NWD1: variants seen among roughly 807,000 people sequenced by gnomAD.
NWD1 encodes the protein NACHT and WD repeat domain containing 1.
Under a neutral mutation model 135.1 loss-of-function variants are expected in NWD1, and 129 were observed. That is an observed-to-expected ratio of 0.96 (90% CI 0.83 to 1.11). The LOEUF is 1.11. NWD1 is among the 50% of genes least tolerant of loss of function. The probability of loss-of-function intolerance (pLI) is 0.00; values close to 1 mark genes in which losing one functional copy is unlikely to be tolerated. For synonymous variants in NWD1, 773 were observed against 786.0 expected (o/e 0.98, Z 0.28); for missense variants, 1,740 against 1,851.3 (o/e 0.94, Z 1.10).
At position 16,815,044 on chromosome 19, in the gene NWD1, C is replaced by G. The variant is rs113513619; in HGVS notation, c.*5C>G. ...CCCTTACAGGCACCCTGCTGACAGT[C>G]CAGTTTGTCCATGCTGTGGTAAACA... On this transcript the variant is annotated 3_prime_UTR_variant, in exon 19 of 19. Transcript: ENST00000524140. 73 of 1,613,772 alleles carry G rather than the reference C, an allele frequency of 4.5e-5. 1 individual carries two copies. The highest frequency in any genetic ancestry group is 2.0e-4 in the East Asian group (9 of 44,890).
chr19:16,799,453 C>G (rs1970526936), intron 16 of NWD1, among the ~76,000 whole-genome samples: 1 of 152,102 alleles, frequency 6.6e-6, no homozygotes, highest in Non-Finnish European at 1.5e-5. Context: ...CTCAGCCTTC[C>G]AAAGTGCTGG....
chr19:16,729,150 T>C (rs896069369), intron 2 of NWD1, among the ~76,000 whole-genome samples: 5 of 151,892 alleles, frequency 3.3e-5, no homozygotes, highest in African/African-American at 4.8e-5. Context: ...CCCAACTTGA[T>C]AGAGTTGCTG....
chr19:16,789,879 A>G (rs1200178358), intron 13 of NWD1, among the ~76,000 whole-genome samples: 1 of 151,932 alleles, frequency 6.6e-6, no homozygotes, highest in Non-Finnish European at 1.5e-5. Flanking sequence ...CACCACGCCC[A>G]GCTAATTTTT....
At chr19:16,807,215 C>T (rs577469767) in intron 17 of NWD1, among the ~76,000 whole-genome samples, 5 of 150,388 alleles carry the variant, frequency 3.3e-5, no homozygotes, top group South Asian at 2.1e-4. Flanking sequence ...AACACCAGGC[C>T]GGGTGTGGTG....
chr19:16,810,437 CAAAAA>C (rs529841524), intron 18 of NWD1, among the ~76,000 whole-genome samples: 4 of 66,294 alleles, frequency 6.0e-5, no homozygotes, highest in Admixed American at 1.7e-4. Flanking sequence ...GACTCCATCT[CAAAAA>C]AAAAAAAAAA....
chr19:16,803,229 A>G (rs1263082414), intron 17 of NWD1, among the ~76,000 whole-genome samples: 1 of 152,056 alleles, frequency 6.6e-6, no homozygotes, highest in Non-Finnish European at 1.5e-5. Context: ...CTCGGCCTTG[A>G]CCTGTGGGAA....
At chr19:16,796,410 CA>C (rs1970418689) in intron 15 of NWD1, among the ~76,000 whole-genome samples, 1 of 152,010 alleles carries the variant, frequency 6.6e-6, no homozygotes, top group African/African-American at 2.4e-5. Flanking sequence ...TGCAGTGAGC[CA>C]AGATCATGCC....
At chr19:16,779,522 A>G in intron 12 of NWD1, 57 bp downstream of exon 12, 3 of 1,552,692 alleles carry the variant, frequency 1.9e-6, no homozygotes, top group Non-Finnish European at 2.6e-6. Context: ...GTTGGTTCTC[A>G]GAGCCCCTTC....
At chr19:16,766,016 CAAA>C (rs35265751) in intron 10 of NWD1, among the ~76,000 whole-genome samples, 4 of 91,762 alleles carry the variant, frequency 4.4e-5, no homozygotes, top group Admixed American at 1.4e-4. Context: ...GACTCCGTCT[CAAA>C]AAAAAAAAAA....
rs1431500095 is a variant in NWD1 at position 16,763,957 on chromosome 19, C to A, written c.2251+12C>A. 1 of 1,538,122 alleles carries A rather than the reference C, an allele frequency of 6.5e-7. No homozygotes were observed. The highest frequency in any genetic ancestry group is 9.0e-7 in the Non-Finnish European group (1 of 1,110,854). On this transcript the variant is annotated intron_variant, in intron 9 of 18. Coordinates refer to ENST00000524140, the MANE Select transcript of NWD1 (RefSeq NM_001007525.5). ...ACAGGAGGTTCTGGGTAAGGGCTGC[C>A]CCCCATCTCAGAGGACCGAGCCTGG...
intron 10 of NWD1, among the ~76,000 whole-genome samples, chr19:16,772,899 G>A (rs1389125460): frequency 6.6e-6 from 1 of 152,062 alleles, no homozygotes; most frequent in Non-Finnish European, 1.5e-5. Flanking sequence ...AAGCATTCTA[G>A]GCAACCTGGG....
At chr19:16,758,779 G>A (rs1719350071) in intron 6 of NWD1, among the ~76,000 whole-genome samples, 1 of 152,036 alleles carries the variant, frequency 6.6e-6, no homozygotes, top group Non-Finnish European at 1.5e-5. Flanking sequence ...GGAGACCGAG[G>A]CAGGTGGATC....
chr19:16,806,539 G>T (rs1239930132), intron 17 of NWD1, among the ~76,000 whole-genome samples: 1 of 152,068 alleles, frequency 6.6e-6, no homozygotes, highest in Non-Finnish European at 1.5e-5. Context: ...GGGCAACATG[G>T]TAAAATCCCA....
At position 16,757,855 on chromosome 19, in the gene NWD1, C is replaced by T. The variant is rs1796956048; in HGVS notation, c.1770-1370C>T. Reference sequence around the variant, plus strand: ...TCACCTGAGATCAGGAGTTGAACAGCAGCCTGGCCAACATAGTGAAACCCC... The same window carrying T: ...TCACCTGAGATCAGGAGTTGAACAGTAGCCTGGCCAACATAGTGAAACCCC... On this transcript the variant is annotated intron_variant, in intron 6 of 18. Transcript: ENST00000524140. 3.3e-5 allele frequency among the ~76,000 whole-genome samples: 5 copies of T among 152,234 alleles called. No individual in the cohort carries two copies. In the South Asian group the frequency reaches 1.0e-3, roughly 32 times the overall value.
intron 18 of NWD1, among the ~76,000 whole-genome samples, chr19:16,813,009 T>A (rs1970972063): frequency 6.6e-6 from 1 of 152,192 alleles, no homozygotes. Context: ...GGGCCCACAA[T>A]CCCTCTTCTA....
intron 1 of NWD1, among the ~76,000 whole-genome samples, chr19:16,723,896 A>G (rs1193015189): frequency 1.3e-5 from 2 of 151,858 alleles, no homozygotes; most frequent in East Asian, 2.0e-4. Flanking sequence ...GGGTTTCACC[A>G]TGTTGGCCGC....
chr19:16,772,172 C>T (rs1969437043), intron 10 of NWD1, among the ~76,000 whole-genome samples: 1 of 151,726 alleles, frequency 6.6e-6, no homozygotes, highest in Admixed American at 6.6e-5. Flanking sequence ...TTGAGACCAG[C>T]CTGGGCAACA....
intron 3 of NWD1, among the ~76,000 whole-genome samples, chr19:16,734,131 C>T (rs948694284): frequency 6.6e-5 from 10 of 152,124 alleles, no homozygotes; most frequent in Non-Finnish European, 1.3e-4. Flanking sequence ...GCCAAGGAGA[C>T]CTTGGTACGT....
At chr19:16,787,284 A>G (rs1162233656) in intron 12 of NWD1, among the ~76,000 whole-genome samples, 1 of 151,980 alleles carries the variant, frequency 6.6e-6, no homozygotes, top group Non-Finnish European at 1.5e-5. Flanking sequence ...ATGCCACCCC[A>G]CCTGGCTAAT....
Sources: gnomAD v4.1 joint callset for allele counts (sites outside exome capture counted in the v4.1 genomes callset) on GRCh38, gnomAD v4.1.1 for gene constraint, MANE v1.5 for transcripts, NCBI Gene and HGNC (gene_info 2026-07-23, HGNC 2026-07-21) for gene names.